The following TRPM6 variants were observed in gnomAD, a reference collection of about 807,000 sequenced individuals.
TRPM6 encodes the protein channel kinase 2.
In TRPM6, 111 loss-of-function variants were observed where a neutral mutation model predicts 247.6. That is an observed-to-expected ratio of 0.45 (90% CI 0.38 to 0.52). The LOEUF (loss-of-function observed/expected upper bound fraction) is 0.52. TRPM6 is among the 20% of genes least tolerant of loss of function. The probability of loss-of-function intolerance (pLI) is 0.00; values close to 1 mark genes in which losing one functional copy is unlikely to be tolerated. For missense variants in TRPM6, 2,126 were observed against 2,421.5 expected, an observed-to-expected ratio of 0.88 and a Z score of 2.56; for synonymous variants, 892 against 853.8, an observed-to-expected ratio of 1.04 and a Z score of -0.78.
At chr9:74,820,941 G>A (rs1249917045) in intron 8 of TRPM6, among the ~76,000 whole-genome samples, 2 of 152,154 alleles carry the variant, frequency 1.3e-5, no homozygotes, top group Non-Finnish European at 2.9e-5. Context: ...TTTAGAAAAG[G>A]GAGAGGAGTG....
At chr9:74,881,312 T>TA (rs888720905) in intron 1 of TRPM6, among the ~76,000 whole-genome samples, 15 of 149,928 alleles carry the variant, frequency 1.0e-4, no homozygotes, top group Admixed American at 4.0e-4. Context: ...AAACTTTAAG[T>TA]AAAAAAAAAG....
intron 9 of TRPM6, among the ~76,000 whole-genome samples, chr9:74,817,381 G>A (rs1309290006): frequency 1.3e-5 from 2 of 152,070 alleles, no homozygotes; most frequent in Admixed American, 6.6e-5. Flanking sequence ...GTAGAGACAA[G>A]GTCTCACTAT....
At chr9:74,853,504 T>C (rs1830428329) in intron 3 of TRPM6, among the ~76,000 whole-genome samples, 1 of 152,232 alleles carries the variant, frequency 6.6e-6, no homozygotes, top group Non-Finnish European at 1.5e-5. Flanking sequence ...TCCATTTTGT[T>C]CTGTACTAAG....
chr9:74,828,791 G>A (rs1829444488), intron 6 of TRPM6, among the ~76,000 whole-genome samples: 1 of 151,842 alleles, frequency 6.6e-6, no homozygotes, highest in Admixed American at 6.6e-5. Context: ...TCCACGCTTG[G>A]CTAATTTTTG....
chr9:74,813,572 T>C (rs909373565), intron 11 of TRPM6, among the ~76,000 whole-genome samples: 35 of 152,190 alleles, frequency 2.3e-4, no homozygotes, highest in African/African-American at 8.2e-4. Context: ...TGTTGGTATC[T>C]GGGGGCCCCT....
At chr9:74,735,775 A>C (rs1001174644) in intron 36 of TRPM6, among the ~76,000 whole-genome samples, 1 of 152,184 alleles carries the variant, frequency 6.6e-6, no homozygotes, top group Non-Finnish European at 1.5e-5. Flanking sequence ...CAGCATAATT[A>C]CAAGTGATTG....
chr9:74,848,660 C>G (rs756343100), intron 3 of TRPM6, among the ~76,000 whole-genome samples: 10 of 152,146 alleles, frequency 6.6e-5, no homozygotes, highest in Non-Finnish European at 1.0e-4. Context: ...TGCCCTGCCT[C>G]CAGCTAGATA....
chr9:74,837,751 T>C (rs984831862), intron 5 of TRPM6, among the ~76,000 whole-genome samples: 2,903 of 13,450 alleles, frequency 0.22, 44 homozygotes, highest in South Asian at 0.35. Context: ...CGGCCCCCTT[T>C]TTTTTTTTTT....
intron 23 of TRPM6, among the ~76,000 whole-genome samples, chr9:74,780,520 C>A (rs1587497499): frequency 6.6e-6 from 1 of 151,420 alleles, no homozygotes; most frequent in Non-Finnish European, 1.5e-5. Context: ...ATTGTAGTGA[C>A]TTAAACTTTT....
chr9:74,872,225 A>G (rs1479287076), intron 1 of TRPM6, among the ~76,000 whole-genome samples: 1 of 152,090 alleles, frequency 6.6e-6, no homozygotes, highest in Non-Finnish European at 1.5e-5. Context: ...GCCTCAAGCA[A>G]TCATCCTGCC....
chr9:74,762,448 T>C lies in TRPM6; in HGVS notation c.4223A>G (p.Glu1408Gly). Reference sequence around the variant, plus strand: ...TCCATCCAGTAAGTGAGCAATAGGCTCGTGCTTTTCCTTGGGTTCATCCAC... The same window carrying C: ...TCCATCCAGTAAGTGAGCAATAGGCCCGTGCTTTTCCTTGGGTTCATCCAC... ...ASVDEPKEKHEPIAHLLDGQD... is the reference protein window; with the variant it reads ...ASVDEPKEKHGPIAHLLDGQD... The change falls in exon 26 of 39, where the codon GAG (glutamate) becomes GGG (glycine). Residue 1408 changes from glutamate to glycine, a missense_variant. By Grantham distance (98) the Glu-to-Gly change is moderately conservative. Transcript: ENST00000360774. The C allele has an allele frequency of 6.2e-7, 1 of 1,614,164 alleles. No homozygotes were observed. Among genetic ancestry groups the C allele is most frequent in the Non-Finnish European group, 8.5e-7 (1 of 1,180,034 alleles).
chr9:74,863,272 C>T (rs951858610), intron 1 of TRPM6, among the ~76,000 whole-genome samples: 3 of 151,898 alleles, frequency 2.0e-5, no homozygotes, highest in African/African-American at 7.2e-5. Flanking sequence ...GTCTCAAACT[C>T]CTGACCTCAA....
Position 74,762,400 on chromosome 9 carries a change from A to G in TRPM6, c.4271T>C (p.Leu1424Pro), listed in dbSNP as rs778731521. 1.7e-5 allele frequency: 28 copies of G among 1,614,098 alleles called. No homozygotes were observed. Among genetic ancestry groups the G allele is most frequent in the Non-Finnish European group, 2.2e-5 (26 of 1,180,048 alleles). ...LDGQDKAEQV[L>P]PTLSCTPEPM... ...TTCAGGTGTGCAACTCAAAGTGGGT[A>G]GCACTTGCTCTGCCTTGTCTTGTCC... is the stretch of plus-strand genomic sequence containing the variant. The change falls in exon 26 of 39, where the codon CTA becomes CCA. Residue 1424 changes from leucine to proline, a missense_variant. Around this residue, in one of 3 missense-constraint regions of TRPM6, gnomAD observed 717 missense variants for 715.9 expected, o/e 1.00. Transcript: ENST00000360774.
At chr9:74,862,072 G>A (rs965462113) in intron 1 of TRPM6, among the ~76,000 whole-genome samples, 11 of 128,632 alleles carry the variant, frequency 8.6e-5, no homozygotes, top group South Asian at 2.6e-4. Flanking sequence ...CTTCAACTCC[G>A]GTTATCTTAT....
intron 1 of TRPM6, among the ~76,000 whole-genome samples, chr9:74,870,785 G>A (rs1830997960): frequency 6.6e-6 from 1 of 152,028 alleles, no homozygotes; most frequent in Non-Finnish European, 1.5e-5. Flanking sequence ...TTAGCTGGGT[G>A]TGGTGGTGTG....
chr9:74,865,785 G>C (rs1458453848), intron 1 of TRPM6, among the ~76,000 whole-genome samples: 1 of 152,076 alleles, frequency 6.6e-6, no homozygotes, highest in East Asian at 1.9e-4. Flanking sequence ...TTTTAATACA[G>C]AGTCTTGCTA....
intron 27 of TRPM6, among the ~76,000 whole-genome samples, chr9:74,757,803 C>T (rs13302868): frequency 0.27 from 41,283 of 151,800 alleles, 6,142 homozygotes; most frequent in Middle Eastern, 0.46. Flanking sequence ...ATCCCAGCTA[C>T]TTGGGAGGCT....
intron 32 of TRPM6, among the ~76,000 whole-genome samples, chr9:74,743,805 T>C (rs971884313): frequency 9.9e-5 from 15 of 152,220 alleles, no homozygotes. Context: ...GGGGCTGCTT[T>C]GAGCGTGCAA....
chr9:74,883,948 G>A (rs888533407), intron 1 of TRPM6, among the ~76,000 whole-genome samples: 2 of 152,220 alleles, frequency 1.3e-5, no homozygotes, highest in East Asian at 3.9e-4. Flanking sequence ...TCGGGAGTTC[G>A]AGACCATCCT....
Sources: allele counts gnomAD v4.1 joint callset (sites outside exome capture counted in the v4.1 genomes callset), GRCh38; gene constraint gnomAD v4.1.1; regional missense constraint gnomAD v4.1.1; transcripts MANE v1.5; gene names NCBI Gene and HGNC (gene_info 2026-07-23, HGNC 2026-07-21).